SLC24A2: variants seen among roughly 807,000 people sequenced by gnomAD.
SLC24A2 encodes the protein sodium/potassium/calcium exchanger 2.
A neutral mutation model predicts 62.0 loss-of-function variants in SLC24A2; 36 were observed. The ratio of observed to expected loss-of-function variants is 0.58; its 90% CI spans 0.44 to 0.77. The LOEUF (loss-of-function observed/expected upper bound fraction) is 0.77, where lower values mean the gene tolerates loss of function less well. Ranked by LOEUF, SLC24A2 falls within the 30% of genes least tolerant of loss-of-function variation. The pLI is 0.00. For synonymous variants in SLC24A2, 358 were observed against 294.0 expected (o/e 1.22, Z -2.23); for missense variants, 846 against 817.9 (o/e 1.03, Z -0.42).
At chr9:19,568,659 A>C (rs2132831456) in intron 7 of SLC24A2, among the ~76,000 whole-genome samples, 1 of 152,350 alleles carries the variant, frequency 6.6e-6, no homozygotes, top group East Asian at 1.9e-4. Flanking sequence ...CAGCAGAGCT[A>C]GGATTTGAAT....
chr9:20,275,749 A>ATTGT, the SLC24A2 span, among the ~76,000 whole-genome samples: 77 of 152,326 alleles, frequency 5.1e-4, no homozygotes, highest in African/African-American at 1.5e-3. Context: ...ATAAAGAAAA[A>ATTGT]GAGGTTTAAT....
the SLC24A2 span, among the ~76,000 whole-genome samples, chr9:19,981,588 A>G: frequency 6.6e-6 from 1 of 152,168 alleles, no homozygotes; most frequent in Non-Finnish European, 1.5e-5. Flanking sequence ...ATAAAGCTGC[A>G]TAACAAACAA....
the SLC24A2 span, among the ~76,000 whole-genome samples, chr9:19,804,558 G>A: frequency 6.6e-6 from 1 of 151,968 alleles, no homozygotes; most frequent in Non-Finnish European, 1.5e-5. Flanking sequence ...GAGTCCTTAG[G>A]ATTTCCTATG....
chr9:20,097,647 G>A, the SLC24A2 span, among the ~76,000 whole-genome samples: 3 of 146,994 alleles, frequency 2.0e-5, no homozygotes, highest in South Asian at 4.4e-4. Flanking sequence ...AGGTCACTAA[G>A]ACAGTCCCAA....
chr9:20,009,500 G>A, the SLC24A2 span, among the ~76,000 whole-genome samples: 1 of 151,848 alleles, frequency 6.6e-6, no homozygotes, highest in Non-Finnish European at 1.5e-5. Context: ...CCACATCAGA[G>A]AAACTACCCA....
the SLC24A2 span, among the ~76,000 whole-genome samples, chr9:20,077,473 G>C: frequency 6.6e-6 from 1 of 152,042 alleles, no homozygotes; most frequent in Non-Finnish European, 1.5e-5. Flanking sequence ...TAGAATTCCA[G>C]AGGCAGTTGT....
chr9:19,643,580 T>C (rs547166578), intron 2 of SLC24A2, among the ~76,000 whole-genome samples: 42 of 152,276 alleles, frequency 2.8e-4, no homozygotes, highest in Middle Eastern at 3.4e-3. Context: ...CTTATAACCA[T>C]AGACACTGTG....
intron 7 of SLC24A2, among the ~76,000 whole-genome samples, chr9:19,569,399 A>G (rs895815480): frequency 6.6e-6 from 1 of 152,152 alleles, no homozygotes; most frequent in African/African-American, 2.4e-5. Context: ...GTCTTTCTAT[A>G]AAACAAATCT....
At chr9:19,743,660 A>C (rs934225768) in intron 2 of SLC24A2, among the ~76,000 whole-genome samples, 3 of 152,172 alleles carry the variant, frequency 2.0e-5, no homozygotes, top group African/African-American at 7.2e-5. Flanking sequence ...ATTCTGAATT[A>C]CTTGCTAAGT....
intron 5 of SLC24A2, among the ~76,000 whole-genome samples, chr9:19,584,527 C>G (rs1836307316): frequency 6.6e-6 from 1 of 152,058 alleles, no homozygotes; most frequent in Non-Finnish European, 1.5e-5. Context: ...CACCTAGCAA[C>G]TAGAAGAAAC....
chr9:19,812,652 A>C, the SLC24A2 span, among the ~76,000 whole-genome samples: 1 of 152,262 alleles, frequency 6.6e-6, no homozygotes, highest in South Asian at 2.1e-4. Flanking sequence ...TCTGTTGTCT[A>C]ATTTTTCTCT....
chr9:19,570,044 C>A (rs1051496180), intron 7 of SLC24A2, among the ~76,000 whole-genome samples: 1 of 152,232 alleles, frequency 6.6e-6, no homozygotes, highest in East Asian at 1.9e-4. Flanking sequence ...CATGTATAAT[C>A]ATGTTGGGTT....
the SLC24A2 span, among the ~76,000 whole-genome samples, chr9:20,229,808 G>A: frequency 4.0e-5 from 6 of 151,752 alleles, no homozygotes; most frequent in Non-Finnish European, 7.4e-5. Context: ...ACGTGTACAT[G>A]TGTCATGTTG....
chr9:19,898,782 G>C, the SLC24A2 span, among the ~76,000 whole-genome samples: 1 of 150,098 alleles, frequency 6.7e-6, no homozygotes, highest in Non-Finnish European at 1.5e-5. Flanking sequence ...ACAATGTCTA[G>C]GACAATGCTG....
At chr9:20,257,345 G>A in the SLC24A2 span, among the ~76,000 whole-genome samples, 1 of 152,158 alleles carries the variant, frequency 6.6e-6, no homozygotes, top group African/African-American at 2.4e-5. Context: ...TCAAGGTCCT[G>A]AGTTAAAATC....
In SLC24A2 at chr9:19,544,643, G is replaced by A. The variant is rs541200852; in HGVS notation, c.1479+5494C>T. Among the ~76,000 whole-genome samples, 545 of 152,080 alleles carry A rather than the reference G, an allele frequency of 3.6e-3. 2 individuals carry two copies. Among genetic ancestry groups the A allele is most frequent in the African/African-American group, 0.011 (463 of 41,490 alleles). On this transcript the variant is annotated intron_variant, in intron 8 of 10. Coordinates refer to ENST00000341998, the MANE Select transcript of SLC24A2 (RefSeq NM_020344.4). ...AGGCCTGGTGGTGACAAAATCTCTC[G>A]GCATTTGCTTGTCTGTAAAGGAGTT...
intron 2 of SLC24A2, among the ~76,000 whole-genome samples, chr9:19,652,696 A>T (rs1253437319): frequency 6.6e-6 from 1 of 152,184 alleles, no homozygotes; most frequent in Non-Finnish European, 1.5e-5. Flanking sequence ...TAAGCCACAA[A>T]TTTGGTTGTA....
At chr9:20,283,937 G>A in the SLC24A2 span, among the ~76,000 whole-genome samples, 4 of 152,144 alleles carry the variant, frequency 2.6e-5, no homozygotes, top group Admixed American at 1.3e-4. Flanking sequence ...TGTGTTCCCG[G>A]AATGTCATAC....
At chr9:19,576,271 C>A (rs952968371) in intron 6 of SLC24A2, among the ~76,000 whole-genome samples, 1 of 152,132 alleles carries the variant, frequency 6.6e-6, no homozygotes, top group African/African-American at 2.4e-5. Flanking sequence ...AATAAGAGAG[C>A]TATATTATAG....
Sources: gnomAD v4.1 joint callset for allele counts (sites outside exome capture counted in the v4.1 genomes callset) on GRCh38, gnomAD v4.1.1 for gene constraint, MANE v1.5 for transcripts, NCBI Gene and HGNC (gene_info 2026-07-23, HGNC 2026-07-21) for gene names.